ZNF618: variants seen among roughly 807,000 people sequenced by gnomAD.
ZNF618 encodes the protein neural precursor cell expressed, developmentally down-regulated 10.
ZNF618 carries 34 observed loss-of-function variants against 103.0 expected under a neutral mutation model. The ratio of observed to expected loss-of-function variants is 0.33; its 90% CI spans 0.25 to 0.44. The LOEUF (loss-of-function observed/expected upper bound fraction) is 0.44, where lower values mean the gene tolerates loss of function less well. ZNF618 is among the 20% of genes least tolerant of loss of function. The pLI, the probability that ZNF618 is intolerant of heterozygous loss-of-function variation, is 1.00. For synonymous variants in ZNF618, 551 were observed against 542.2 expected (o/e 1.02, Z -0.23); for missense variants, 1,059 against 1,295.4 (o/e 0.82, Z 2.80).
intron 9 of ZNF618, 124 bp from the exon 10 acceptor site, chr9:114,016,571 T>A: frequency 1.4e-6 from 1 of 712,504 alleles, no homozygotes; most frequent in Non-Finnish European, 2.4e-6. Flanking sequence ...AACTCCAGAG[T>A]CAGAATTGAT....
In ZNF618 at chr9:113,899,248, CTT is replaced by C. The variant is rs1000411085; in HGVS notation, c.33+22836_33+22837del. The stretch of plus-strand genomic sequence containing the variant: ...TGTTGGGCTACCAATCTCCAGAACT[CTT>C]CTCATTATTCCAGGCTGAAACTCTA... On this transcript the variant is annotated intron_variant, in intron 1 of 14. Transcript: ENST00000374126. Among the ~76,000 whole-genome samples, 10 of 152,136 alleles carry C rather than the reference CTT, an allele frequency of 6.6e-5. 1 individual carries two copies. Among genetic ancestry groups the C allele is most frequent in the Admixed American group, 6.5e-4 (10 of 15,288 alleles).
intron 1 of ZNF618, among the ~76,000 whole-genome samples, chr9:113,889,053 A>G (rs1829349631): frequency 6.6e-6 from 1 of 152,130 alleles, no homozygotes; most frequent in Admixed American, 6.5e-5. Flanking sequence ...CACTGTCTGT[A>G]TTAGACGGTT....
intron 1 of ZNF618, among the ~76,000 whole-genome samples, chr9:113,909,826 C>G (rs1267413606): frequency 6.6e-6 from 1 of 151,892 alleles, no homozygotes; most frequent in African/African-American, 2.4e-5. Context: ...GCTCTGTCAC[C>G]CAGGCTGGAG....
intron 1 of ZNF618, among the ~76,000 whole-genome samples, chr9:113,954,459 C>G (rs1041813376): frequency 6.6e-6 from 1 of 152,162 alleles, no homozygotes; most frequent in African/African-American, 2.4e-5. Flanking sequence ...GGCCAGGCAT[C>G]CATTTCCCAG....
chr9:114,006,989 G>T (rs1336896120), intron 6 of ZNF618, among the ~76,000 whole-genome samples: 1 of 152,184 alleles, frequency 6.6e-6, no homozygotes, highest in Non-Finnish European at 1.5e-5. Flanking sequence ...CCAGTCTTTT[G>T]TAAGCTACCC....
chr9:113,946,425 C>G (rs1835039198), intron 1 of ZNF618, among the ~76,000 whole-genome samples: 1 of 149,450 alleles, frequency 6.7e-6, no homozygotes, highest in Non-Finnish European at 1.5e-5. Flanking sequence ...AAGATGCAGG[C>G]AATTTATTGG....
chr9:113,993,180 C>T (rs1473591874), intron 3 of ZNF618, among the ~76,000 whole-genome samples: 1 of 152,114 alleles, frequency 6.6e-6, no homozygotes, highest in Non-Finnish European at 1.5e-5. Context: ...TTCAGGGGCT[C>T]CTCTAGGAGG....
chr9:113,890,960 T>C lies in ZNF618; in HGVS notation c.33+14547T>C, dbSNP rs147440562. ...CCATTTTTCTCTTGCGGTGTTTGTC[T>C]TTTCCTTTACATTTTTAAAGAAAAG... On this transcript the variant is annotated intron_variant, in intron 1 of 14. Transcript: ENST00000374126. 4.6e-5 allele frequency among the ~76,000 whole-genome samples: 7 copies of C among 152,378 alleles called. No homozygotes were observed. The East Asian group carries it at 1.3e-3, about 29-fold the overall frequency.
At chr9:114,034,315 G>A (rs796126675) in intron 12 of ZNF618, among the ~76,000 whole-genome samples, 21 of 152,254 alleles carry the variant, frequency 1.4e-4, no homozygotes, top group African/African-American at 4.8e-4. Flanking sequence ...TAGTAGCGCC[G>A]GGCTGGAACC....
intron 1 of ZNF618, among the ~76,000 whole-genome samples, chr9:113,951,441 ACATATATGTG>A (rs1378691387): frequency 5.4e-5 from 4 of 74,480 alleles, no homozygotes; most frequent in Admixed American, 1.4e-4. Flanking sequence ...GTATATATAT[ACATATATGTG>A]TATATATACA....
rs953041528 is a variant in ZNF618 at position 113,938,570 on chromosome 9, T to C, written c.34-30547T>C. Among the ~76,000 whole-genome samples, 41 of 142,604 alleles carry C rather than the reference T, an allele frequency of 2.9e-4. No individual in the cohort carries two copies. The East Asian group carries it at 4.1e-3, about 14-fold the overall frequency. The allele number at this position is 142,604 out of a possible 152,430, so 93.6% of individuals were successfully genotyped here. A position where few individuals can be genotyped will look rare whatever the true frequency, so the allele number is the denominator to read the frequency against. On this transcript the variant is annotated intron_variant, in intron 1 of 14. Transcript: ENST00000374126. ...CCTCCTCCCATTATATTTTCTTTTT[T>C]TCTTTTTTTTTTTTTTGAGATGGAG...
intron 13 of ZNF618, among the ~76,000 whole-genome samples, chr9:114,040,907 C>A (rs1273604468): frequency 2.0e-5 from 3 of 152,240 alleles, no homozygotes; most frequent in African/African-American, 7.2e-5. Context: ...AATCGCCACA[C>A]TGTCTTCCAC....
intron 7 of ZNF618, among the ~76,000 whole-genome samples, 164 bp downstream of exon 7, chr9:114,007,603 C>T (rs923294406): frequency 1.8e-4 from 28 of 152,118 alleles, no homozygotes; most frequent in African/African-American, 4.3e-4. Context: ...ATTCTGGGGG[C>T]GGGAACGTCA....
At chr9:114,033,886 A>G (rs540244039) in intron 12 of ZNF618, among the ~76,000 whole-genome samples, 158 of 152,280 alleles carry the variant, frequency 1.0e-3, no homozygotes, top group African/African-American at 3.6e-3. Flanking sequence ...ACACATCACA[A>G]CTGTCGGGGA....
intron 2 of ZNF618, among the ~76,000 whole-genome samples, chr9:113,983,386 A>G (rs1029149691): frequency 5.9e-5 from 9 of 152,234 alleles, no homozygotes; most frequent in Non-Finnish European, 1.2e-4. Flanking sequence ...AAAGCCTAGA[A>G]GTCGGGGGCG....
At chr9:113,928,898 A>G (rs968273189) in intron 1 of ZNF618, among the ~76,000 whole-genome samples, 2 of 152,002 alleles carry the variant, frequency 1.3e-5, no homozygotes, top group African/African-American at 4.8e-5. Flanking sequence ...TTCTCCCTTT[A>G]TGTGAGATAG....
At chr9:114,033,012 C>T (rs1276818366) in intron 12 of ZNF618, among the ~76,000 whole-genome samples, 1 of 152,196 alleles carries the variant, frequency 6.6e-6, no homozygotes, top group East Asian at 1.9e-4. Flanking sequence ...GGCATCAACT[C>T]AGCTGACCCC....
intron 1 of ZNF618, among the ~76,000 whole-genome samples, chr9:113,963,553 A>C (rs1837064940): frequency 6.6e-6 from 1 of 152,172 alleles, no homozygotes; most frequent in Admixed American, 6.5e-5. Context: ...ATTGTCCCCT[A>C]GTGGATTTGA....
chr9:113,921,355 G>A (rs1287472456), intron 1 of ZNF618, among the ~76,000 whole-genome samples: 1 of 152,242 alleles, frequency 6.6e-6, no homozygotes. Flanking sequence ...GCATTTGTTG[G>A]GGACTGCCTG....
Sources: allele counts gnomAD v4.1 joint callset (sites outside exome capture counted in the v4.1 genomes callset), GRCh38; gene constraint gnomAD v4.1.1; transcripts MANE v1.5; gene names NCBI Gene and HGNC (gene_info 2026-07-23, HGNC 2026-07-21).